The following MYO1B variants were observed in gnomAD, a reference collection of about 807,000 sequenced individuals.
The protein encoded by MYO1B is myosin IB.
A neutral mutation model predicts 159.7 loss-of-function variants in MYO1B; 72 were observed. That is an observed-to-expected ratio of 0.45 (90% confidence interval 0.37 to 0.55). MYO1B has a LOEUF of 0.55. Ranked by LOEUF, MYO1B falls within the 20% of genes least tolerant of loss-of-function variation. The pLI, the probability that MYO1B is intolerant of heterozygous loss-of-function variation, is 0.00. For missense variants in MYO1B, 1,062 were observed against 1,364.8 expected (o/e 0.78, Z 3.50); for synonymous variants, 468 against 473.8 (o/e 0.99, Z 0.16).
chr2:191,260,726 GT>G (rs1226464860), intron 1 of MYO1B, among the ~76,000 whole-genome samples: 2 of 152,106 alleles, frequency 1.3e-5, no homozygotes, highest in Non-Finnish European at 2.9e-5. Flanking sequence ...CTCAAATTTA[GT>G]TTTTAATAGT....
chr2:191,395,728 T>A (rs557262883), intron 20 of MYO1B, among the ~76,000 whole-genome samples: 16 of 152,194 alleles, frequency 1.1e-4, no homozygotes, highest in Admixed American at 3.3e-4. Context: ...CTTCCCCACC[T>A]GGAAGTAACC....
At chr2:191,387,177 T>G (rs1461787435) in intron 16 of MYO1B, 47 bp from the exon 17 acceptor site, 1 of 1,552,956 alleles carries the variant, frequency 6.4e-7, no homozygotes, top group South Asian at 1.2e-5. Context: ...TGTTTGACAT[T>G]ATAGCATGCA....
chr2:191,416,308 G>C, intron 30 of MYO1B, 66 bp downstream of exon 30: 1 of 1,573,006 alleles, frequency 6.4e-7, no homozygotes, highest in East Asian at 2.2e-5. Context: ...TTCAGCTCTC[G>C]ATCTCATTCA....
chr2:191,362,214 T>C, intron 8 of MYO1B, 54 bp from the exon 9 acceptor site: 1 of 1,341,914 alleles, frequency 7.5e-7, no homozygotes. Flanking sequence ...GAATGAGATA[T>C]TAAAGATTGG....
chr2:191,305,626 GAGAC>G (rs1221050969), intron 3 of MYO1B, among the ~76,000 whole-genome samples: 1 of 152,246 alleles, frequency 6.6e-6, no homozygotes, highest in African/African-American at 2.4e-5. Flanking sequence ...GCTGGCGTGG[GAGAC>G]AGACTGATAA....
intron 7 of MYO1B, among the ~76,000 whole-genome samples, chr2:191,359,700 C>T (rs1214155667): frequency 6.6e-6 from 1 of 152,152 alleles, no homozygotes; most frequent in Non-Finnish European, 1.5e-5. Context: ...CAAGCATTAT[C>T]GTGATGTTTT....
intron 1 of MYO1B, among the ~76,000 whole-genome samples, chr2:191,260,564 C>T (rs1318661037): frequency 6.6e-6 from 1 of 151,956 alleles, no homozygotes; most frequent in Non-Finnish European, 1.5e-5. Flanking sequence ...GTATGTCAAT[C>T]ATGAATGGAT....
intron 22 of MYO1B, 136 bp from the exon 23 acceptor site, chr2:191,400,613 G>T: frequency 7.7e-7 from 1 of 1,305,756 alleles, no homozygotes; most frequent in Non-Finnish European, 1.1e-6. Context: ...ACATTTTGTT[G>T]TGGGGTGGTG....
intron 7 of MYO1B, among the ~76,000 whole-genome samples, chr2:191,354,224 C>A (rs1390796857): frequency 6.6e-6 from 1 of 150,970 alleles, no homozygotes; most frequent in Non-Finnish European, 1.5e-5. Context: ...CCACTGCATT[C>A]CAGCCTGGGT....
chr2:191,414,399 T>G (rs1044697953), intron 28 of MYO1B, 118 bp from the exon 29 acceptor site: 2 of 1,094,652 alleles, frequency 1.8e-6, no homozygotes, highest in African/African-American at 3.2e-5. Context: ...CGTTCTTGGT[T>G]TACATAGGTA....
At chr2:191,280,979 T>C (rs1688025661) in intron 2 of MYO1B, among the ~76,000 whole-genome samples, 1 of 152,218 alleles carries the variant, frequency 6.6e-6, no homozygotes. Context: ...GTAAACAGCT[T>C]CCCCCAGGAA....
chr2:191,416,344 A>T lies in MYO1B; in HGVS notation c.3287+102A>T. ...TTAATACAACTACTTATTAAGTACCAGGTATGTGTCTAGTAGTTGTTCCAC... is the reference window on the plus strand; with the variant it reads ...TTAATACAACTACTTATTAAGTACCTGGTATGTGTCTAGTAGTTGTTCCAC... On this transcript the variant is annotated intron_variant, in intron 30 of 30. Coordinates refer to ENST00000392318, the MANE Select transcript of MYO1B (RefSeq NM_001130158.3). 3 of 1,381,096 alleles carry T rather than the reference A, an allele frequency of 2.2e-6. No individual in the cohort carries two copies. In the East Asian group the frequency reaches 6.9e-5, roughly 32 times the overall value. The allele number at this position is 1,381,096 out of a possible 1,614,324, so 85.6% of individuals were successfully genotyped here. A position where few individuals can be genotyped will look rare whatever the true frequency, so the allele number is the denominator to read the frequency against.
intron 1 of MYO1B, among the ~76,000 whole-genome samples, chr2:191,272,358 A>G (rs917868064): frequency 1.3e-5 from 2 of 152,146 alleles, no homozygotes; most frequent in Non-Finnish European, 2.9e-5. Context: ...AAAGTTTTGA[A>G]ACTAGAACAT....
chr2:191,377,661 T>G (rs1270474116), intron 13 of MYO1B: 1 of 152,246 alleles, frequency 6.6e-6, no homozygotes, highest in African/African-American at 2.4e-5. Flanking sequence ...TTTGTATTAA[T>G]GGAAAAATGT....
intron 11 of MYO1B, among the ~76,000 whole-genome samples, chr2:191,368,476 C>T (rs1214460481): frequency 6.6e-6 from 1 of 152,156 alleles, no homozygotes; most frequent in African/African-American, 2.4e-5. Context: ...GCACTCGGTG[C>T]ATTTAAGGGT....
chr2:191,355,690 G>A (rs961483557), intron 7 of MYO1B, among the ~76,000 whole-genome samples: 1 of 152,208 alleles, frequency 6.6e-6, no homozygotes, highest in Non-Finnish European at 1.5e-5. Context: ...CCAGAGAGCT[G>A]AGCCCTCTGT....
At chr2:191,388,803 A>T (rs1695560664) in intron 17 of MYO1B, among the ~76,000 whole-genome samples, 1 of 152,054 alleles carries the variant, frequency 6.6e-6, no homozygotes, top group African/African-American at 2.4e-5. Flanking sequence ...TTTAACCATT[A>T]TATATGCTTT....
intron 26 of MYO1B, among the ~76,000 whole-genome samples, chr2:191,409,996 A>G (rs1357685902): frequency 6.6e-6 from 1 of 152,184 alleles, no homozygotes; most frequent in Non-Finnish European, 1.5e-5. Flanking sequence ...TGTTAGAATC[A>G]TCTATGTATA....
rs1301118287 is a variant in MYO1B, at chr2:191,362,364, C to T, written c.758C>T (p.Thr253Ile). Residue 253 changes from threonine (T) to isoleucine (I), a missense_variant, in exon 9 of 31, where the codon ACC becomes ATC. By Grantham distance (89) the Thr-to-Ile change is moderately conservative (BLOSUM62 -1). Transcript: ENST00000392318. ...GTGGATGATGCAGCAAATTTTAGAA[C>T]CGTGCGGGTAAGATGTAGTACTTTC... ...NGVDDAANFRTVRNAMQIVGF... is the reference protein window; with the variant it reads ...NGVDDAANFRIVRNAMQIVGF... The T allele has an allele frequency of 1.2e-6, 2 of 1,613,066 alleles. No homozygotes were observed. Among genetic ancestry groups the T allele is most frequent in the East Asian group, 2.2e-5 (1 of 44,862 alleles).
Sources: gnomAD v4.1 joint callset for allele counts (sites outside exome capture counted in the v4.1 genomes callset) on GRCh38, gnomAD v4.1.1 for gene constraint, MANE v1.5 for transcripts, NCBI Gene and HGNC (gene_info 2026-07-23, HGNC 2026-07-21) for gene names.